Variants in BTRC observed in about 807,000 individuals in gnomAD.
BTRC encodes F-box/WD repeat-containing protein 1A.
In BTRC, 42 loss-of-function variants were observed where a neutral mutation model predicts 85.5. The ratio of observed to expected loss-of-function variants is 0.49; its 90% confidence interval spans 0.38 to 0.64. The LOEUF (loss-of-function observed/expected upper bound fraction) is 0.64, where lower values mean the gene tolerates loss of function less well. BTRC is among the 30% of genes least tolerant of loss of function. The pLI, the probability that BTRC is intolerant of heterozygous loss-of-function variation, is 0.00. For missense variants in BTRC, 594 were observed against 743.5 expected (o/e 0.80, Z 2.34); for synonymous variants, 255 against 263.3 (o/e 0.97, Z 0.30).
chr10:101,462,513 T>C (rs187357889), intron 3 of BTRC, among the ~76,000 whole-genome samples: 49 of 152,044 alleles, frequency 3.2e-4, no homozygotes, highest in African/African-American at 1.2e-3. Flanking sequence ...ACCCAGTCTC[T>C]ACTAAAAATA....
At chr10:101,409,146 GTT>G (rs1227977123) in intron 1 of BTRC, among the ~76,000 whole-genome samples, 3 of 152,314 alleles carry the variant, frequency 2.0e-5, no homozygotes, top group Admixed American at 6.5e-5. Flanking sequence ...ATTCTGTGTA[GTT>G]TAGCAACTAC....
chr10:101,444,790 A>G (rs965507181), intron 2 of BTRC, among the ~76,000 whole-genome samples: 2 of 152,234 alleles, frequency 1.3e-5, no homozygotes, highest in Admixed American at 6.5e-5. Context: ...GAGATAAATT[A>G]TGGTTGAATG....
chr10:101,508,913 T>TAAAAAAAAAAA lies in BTRC; in HGVS notation c.325-12713_325-12703dup, dbSNP rs59998718. Reference sequence around the variant, plus strand: ...TGGGCAACAATGCAAGACTCCATCTTAAAAAAAAAAAAAAAAAAAAAAACT... The same window carrying TAAAAAAAAAAA: ...TGGGCAACAATGCAAGACTCCATCTTAAAAAAAAAAAAAAAAAAAAAAAAAAAAAAAAAACT... On this transcript the variant is annotated intron_variant, in intron 4 of 14. Transcript: ENST00000370187. Among the ~76,000 whole-genome samples the TAAAAAAAAAAA allele has an allele frequency of 2.3e-3, 236 of 101,924 alleles. 13 individuals are homozygous for TAAAAAAAAAAA. Among genetic ancestry groups the TAAAAAAAAAAA allele is most frequent in the East Asian group, 4.8e-3 (16 of 3,358 alleles). 66.9% of individuals were successfully genotyped at this position (101,924 alleles called of 152,430 possible).
chr10:101,382,994 G>T (rs1457813828), intron 1 of BTRC, among the ~76,000 whole-genome samples: 3 of 151,226 alleles, frequency 2.0e-5, no homozygotes, highest in African/African-American at 7.3e-5. Flanking sequence ...AAGTTTTTAA[G>T]GGCTTTTTGT....
intron 3 of BTRC, among the ~76,000 whole-genome samples, chr10:101,462,504 C>T (rs993457836): frequency 6.6e-6 from 1 of 151,948 alleles, no homozygotes; most frequent in Non-Finnish European, 1.5e-5. Flanking sequence ...CATGGAGAAA[C>T]CCAGTCTCTA....
intron 1 of BTRC, among the ~76,000 whole-genome samples, chr10:101,369,832 A>G (rs1942581730): frequency 6.6e-6 from 1 of 152,212 alleles, no homozygotes; most frequent in East Asian, 1.9e-4. Flanking sequence ...TCTGACAGTG[A>G]GTAACTTGGC....
rs570463632 is a variant in BTRC at position 101,555,321 on chromosome 10, G to A, written c.*2198G>A. ...AGTGGAAGCTGTTGAATGTTTATTGGTGCCCAGGGTTTTGCTCTCCAATCT... is the reference window on the plus strand; with the variant it reads ...AGTGGAAGCTGTTGAATGTTTATTGATGCCCAGGGTTTTGCTCTCCAATCT... On this transcript the variant is annotated 3_prime_UTR_variant, in exon 15 of 15. Coordinates refer to ENST00000370187, the MANE Select transcript of BTRC (RefSeq NM_033637.4). 1 of 152,754 alleles carries A rather than the reference G, an allele frequency of 6.5e-6. No homozygotes were observed. The highest frequency in any genetic ancestry group is 2.1e-4 in the South Asian group (1 of 4,832). 9.5% of individuals were successfully genotyped at this position (152,754 alleles called of 1,614,324 possible).
chr10:101,366,599 G>C (rs1942381509), intron 1 of BTRC, among the ~76,000 whole-genome samples: 1 of 150,200 alleles, frequency 6.7e-6, no homozygotes, highest in African/African-American at 2.5e-5. Context: ...TGACAGACTT[G>C]TGTCTGAGGT....
intron 13 of BTRC, among the ~76,000 whole-genome samples, chr10:101,547,335 T>C (rs1339179318): frequency 2.2e-5 from 3 of 137,494 alleles, no homozygotes; most frequent in African/African-American, 2.7e-5. Flanking sequence ...TTTCTTTTTT[T>C]TTTTTTTTTT....
chr10:101,526,072 T>G lies in BTRC; in HGVS notation c.616T>G (p.Cys206Gly), dbSNP rs769908228. The change falls in exon 6 of 15, where the codon TGT becomes GGT. Residue 206 changes from cysteine (C) to glycine (G), a missense_variant. Coordinates refer to ENST00000370187, the MANE Select transcript of BTRC (RefSeq NM_033637.4). ...GTCATACCTGGATGCCAAATCACTA[T>G]GTGCTGCTGAACTTGTGTGCAAGGA... Reference protein sequence around the residue: ...ILSYLDAKSLCAAELVCKEWY... With the variant: ...ILSYLDAKSLGAAELVCKEWY... 6 of 1,614,214 alleles carry G rather than the reference T, an allele frequency of 3.7e-6. No individual in the cohort carries two copies. The Admixed American group carries it at 1.0e-4, about 27-fold the overall frequency.
chr10:101,512,410 A>T (rs2061968720), intron 4 of BTRC, among the ~76,000 whole-genome samples: 1 of 152,110 alleles, frequency 6.6e-6, no homozygotes, highest in Admixed American at 6.6e-5. Flanking sequence ...AGTCCTTGCA[A>T]CCCCAGTACT....
intron 1 of BTRC, among the ~76,000 whole-genome samples, chr10:101,370,709 C>T (rs894444374): frequency 4.8e-5 from 7 of 144,892 alleles, no homozygotes; most frequent in African/African-American, 1.5e-4. Flanking sequence ...GCTGGGACTA[C>T]AGGCATGTAC....
intron 1 of BTRC, among the ~76,000 whole-genome samples, chr10:101,379,574 T>A (rs1942878188): frequency 6.6e-6 from 1 of 152,020 alleles, no homozygotes; most frequent in African/African-American, 2.4e-5. Flanking sequence ...TACTACATAT[T>A]TTTTTTTCCT....
At chr10:101,423,132 T>C (rs1263008051) in intron 1 of BTRC, among the ~76,000 whole-genome samples, 1 of 152,178 alleles carries the variant, frequency 6.6e-6, no homozygotes, top group Non-Finnish European at 1.5e-5. Context: ...CAGGCTGGTC[T>C]TGAACTCCTG....
intron 4 of BTRC, among the ~76,000 whole-genome samples, chr10:101,503,015 A>G (rs187275586): frequency 6.6e-6 from 1 of 152,314 alleles, no homozygotes; most frequent in Admixed American, 6.5e-5. Flanking sequence ...TAATCTTAAC[A>G]TTAGCCCTTC....
chr10:101,378,844 A>G (rs936000771), intron 1 of BTRC, among the ~76,000 whole-genome samples: 5 of 152,116 alleles, frequency 3.3e-5, no homozygotes, highest in Non-Finnish European at 7.4e-5. Flanking sequence ...CCATGGGAAA[A>G]CATCCGCTTT....
intron 4 of BTRC, among the ~76,000 whole-genome samples, chr10:101,482,393 C>G (rs929898901): frequency 5.4e-4 from 54 of 99,822 alleles, no homozygotes; most frequent in African/African-American, 1.7e-3. Context: ...TTGTTTGTTT[C>G]TTTTTTTTTT....
At chr10:101,518,155 G>A (rs974959489) in intron 4 of BTRC, among the ~76,000 whole-genome samples, 6 of 151,780 alleles carry the variant, frequency 4.0e-5, no homozygotes, top group Admixed American at 3.3e-4. Context: ...CTCGTGATCC[G>A]CCCGCCTCGG....
At chr10:101,502,141 G>A (rs1230374245) in intron 4 of BTRC, among the ~76,000 whole-genome samples, 1 of 152,170 alleles carries the variant, frequency 6.6e-6, no homozygotes, top group Non-Finnish European at 1.5e-5. Flanking sequence ...CAGAATTTTA[G>A]TCTGGTTTCT....
Sources: allele counts gnomAD v4.1 joint callset (sites outside exome capture counted in the v4.1 genomes callset), GRCh38; gene constraint gnomAD v4.1.1; transcripts MANE v1.5; gene names NCBI Gene and HGNC (gene_info 2026-07-23, HGNC 2026-07-21).